BTBD9: variants seen among roughly 807,000 people sequenced by gnomAD.
The protein encoded by BTBD9 is BTB domain containing 9.
In BTBD9, 49 loss-of-function variants were observed where a neutral mutation model predicts 64.3. That is an observed-to-expected ratio of 0.76 (90% CI 0.61 to 0.97). The LOEUF is 0.97. BTBD9 is among the 50% of genes least tolerant of loss of function. The pLI is 0.00. For missense variants in BTBD9, 598 were observed against 762.1 expected, an observed-to-expected ratio of 0.78 and a Z score of 2.53; for synonymous variants, 260 against 274.7, an observed-to-expected ratio of 0.95 and a Z score of 0.53.
At chr6:38,353,574 A>G (rs557490063) in intron 6 of BTBD9, among the ~76,000 whole-genome samples, 1 of 152,350 alleles carries the variant, frequency 6.6e-6, no homozygotes, top group South Asian at 2.1e-4. Flanking sequence ...ACTCAATAAA[A>G]CATCTGAAAC....
chr6:38,206,126 T>G (rs902593367), intron 9 of BTBD9, among the ~76,000 whole-genome samples: 6 of 151,862 alleles, frequency 4.0e-5, no homozygotes, highest in African/African-American at 7.3e-5. Context: ...TACAAGAATT[T>G]GTGTTGCTCT....
intron 6 of BTBD9, among the ~76,000 whole-genome samples, chr6:38,453,862 G>A (rs1769669503): frequency 6.6e-6 from 1 of 152,180 alleles, no homozygotes; most frequent in African/African-American, 2.4e-5. Context: ...AAAGGGATAA[G>A]TTTCAAATAG....
chr6:38,424,441 C>T (rs1024979304), intron 6 of BTBD9, among the ~76,000 whole-genome samples: 3 of 151,912 alleles, frequency 2.0e-5, no homozygotes, highest in South Asian at 4.1e-4. Flanking sequence ...TTATGGGCCA[C>T]AAACATTAGG....
chr6:38,400,440 G>A (rs921364559), intron 6 of BTBD9, among the ~76,000 whole-genome samples: 1 of 151,982 alleles, frequency 6.6e-6, no homozygotes, highest in South Asian at 2.1e-4. Flanking sequence ...TGTCCTCTAA[G>A]GGCCAAACCC....
Position 38,415,301 on chromosome 6 carries a change from A to T in BTBD9, c.1155-70208T>A, listed in dbSNP as rs575044351. Among the ~76,000 whole-genome samples the T allele has an allele frequency of 2.6e-5, 4 of 152,274 alleles. No homozygotes were observed. The East Asian group carries it at 7.7e-4, about 29-fold the overall frequency. ...ATTTACCCTGGATTATCTGGGTGGG[A>T]ACAATGTAATCACAAAGGCCTTTAA... On this transcript the variant is annotated intron_variant, in intron 6 of 10. Coordinates refer to ENST00000481247, the MANE Select transcript of BTBD9 (RefSeq NM_001099272.2).
intron 1 of BTBD9, among the ~76,000 whole-genome samples, chr6:38,611,314 T>C (rs1276157271): frequency 6.6e-6 from 1 of 152,208 alleles, no homozygotes. Context: ...TTAAACTTAA[T>C]GTATTTCTCA....
At chr6:38,325,519 A>G (rs567919094) in intron 7 of BTBD9, among the ~76,000 whole-genome samples, 1 of 152,282 alleles carries the variant, frequency 6.6e-6, no homozygotes, top group South Asian at 2.1e-4. Context: ...CCCTGTCTCC[A>G]CTAAAAATAC....
At chr6:38,362,889 G>A (rs1012098378) in intron 6 of BTBD9, among the ~76,000 whole-genome samples, 2 of 152,090 alleles carry the variant, frequency 1.3e-5, no homozygotes, top group Non-Finnish European at 2.9e-5. Flanking sequence ...CTCTCTAGAA[G>A]GATAATATTA....
intron 6 of BTBD9, among the ~76,000 whole-genome samples, chr6:38,510,219 C>CTA (rs982696259): frequency 6.6e-6 from 1 of 152,210 alleles, no homozygotes; most frequent in African/African-American, 2.4e-5. Flanking sequence ...CCATAGCCTA[C>CTA]TATACACCAA....
In BTBD9 at chr6:38,490,567, G is replaced by A. The variant is rs933899814; in HGVS notation, c.1154+87033C>T. Among the ~76,000 whole-genome samples the A allele has an allele frequency of 3.9e-5, 6 of 152,004 alleles. No homozygotes were observed. In the South Asian group the frequency reaches 6.2e-4, roughly 16 times the overall value. ...ACTCCTGACCTCAGGTGATCCACCC[G>A]CCTCAGCCTCCCAAAGTGCTGGGAT... On this transcript the variant is annotated intron_variant, in intron 6 of 10. Transcript: ENST00000481247.
intron 8 of BTBD9, among the ~76,000 whole-genome samples, chr6:38,258,822 G>A (rs763000345): frequency 7.2e-5 from 11 of 152,168 alleles, no homozygotes; most frequent in Admixed American, 1.3e-4. Context: ...TCCAGGAGGC[G>A]GAGCTTGCAG....
At chr6:38,234,655 CAA>C (rs1286757476) in intron 9 of BTBD9, among the ~76,000 whole-genome samples, 4 of 152,174 alleles carry the variant, frequency 2.6e-5, no homozygotes, top group Non-Finnish European at 5.9e-5. Flanking sequence ...AGCCCAGCAC[CAA>C]GCCTTGTTTT....
intron 7 of BTBD9, among the ~76,000 whole-genome samples, chr6:38,296,680 G>T (rs971277735): frequency 6.6e-6 from 1 of 151,988 alleles, no homozygotes; most frequent in Non-Finnish European, 1.5e-5. Flanking sequence ...CCCTCAATTT[G>T]GGTTTGTCTG....
At chr6:38,528,802 C>A (rs1773638423) in intron 6 of BTBD9, among the ~76,000 whole-genome samples, 1 of 152,076 alleles carries the variant, frequency 6.6e-6, no homozygotes, top group Non-Finnish European at 1.5e-5. Flanking sequence ...CATTGTGGGC[C>A]TTGGGTAAGA....
chr6:38,525,284 A>G (rs534099054), intron 6 of BTBD9, among the ~76,000 whole-genome samples: 25 of 152,278 alleles, frequency 1.6e-4, no homozygotes, highest in South Asian at 8.3e-4. Context: ...AACCTTGTAA[A>G]GAAGGTGCCT....
At chr6:38,357,179 T>A (rs1764758735) in intron 6 of BTBD9, among the ~76,000 whole-genome samples, 2 of 152,198 alleles carry the variant, frequency 1.3e-5, no homozygotes, top group African/African-American at 2.4e-5. Context: ...GATTGTTTCA[T>A]AAACATGTAG....
At chr6:38,502,250 G>A (rs1377402987) in intron 6 of BTBD9, among the ~76,000 whole-genome samples, 1 of 152,174 alleles carries the variant, frequency 6.6e-6, no homozygotes, top group African/African-American at 2.4e-5. Flanking sequence ...AAGTCTTTCA[G>A]AGCTTTGGCT....
intron 6 of BTBD9, among the ~76,000 whole-genome samples, chr6:38,427,722 G>T (rs976468471): frequency 6.6e-6 from 1 of 151,898 alleles, no homozygotes; most frequent in African/African-American, 2.4e-5. Context: ...AAAAAGAAGA[G>T]AAAATCCACA....
At chr6:38,417,927 A>G (rs1001172630) in intron 6 of BTBD9, among the ~76,000 whole-genome samples, 50 of 152,192 alleles carry the variant, frequency 3.3e-4, no homozygotes, top group Non-Finnish European at 2.2e-4. Flanking sequence ...CATCACAGCT[A>G]ACTTTTTCCC....
Sources: gnomAD v4.1 joint callset for allele counts (sites outside exome capture counted in the v4.1 genomes callset) on GRCh38, gnomAD v4.1.1 for gene constraint, MANE v1.5 for transcripts, NCBI Gene and HGNC (gene_info 2026-07-23, HGNC 2026-07-21) for gene names.